TTN: variants seen among roughly 807,000 people sequenced by gnomAD.
TTN encodes titin, also known as connectin.
Under a neutral mutation model 3,223.0 loss-of-function variants are expected in TTN, and 1,525 were observed. The ratio of observed to expected loss-of-function variants is 0.47; its 90% confidence interval spans 0.45 to 0.49. The LOEUF (loss-of-function observed/expected upper bound fraction) is 0.49, where lower values mean the gene tolerates loss of function less well. Among genes scored for constraint, TTN ranks in the 20% least tolerant of loss-of-function variants. The probability of loss-of-function intolerance (pLI) is 0.00; values close to 1 mark genes in which losing one functional copy is unlikely to be tolerated. For missense variants in TTN, 40,786 were observed against 43,424.0 expected (o/e 0.94, Z 5.40); for synonymous variants, 14,094 against 15,161.0 (o/e 0.93, Z 5.17).
At chr2:178,690,422 G>C (rs182096349) in intron 121 of TTN, among the ~76,000 whole-genome samples, 67 of 152,262 alleles carry the variant, frequency 4.4e-4, no homozygotes, top group African/African-American at 1.6e-3. Context: ...ACACTCTAGA[G>C]TAGGTCTCTC....
intron 47 of TTN, chr2:178,744,793 T>C: frequency 3.0e-6 from 3 of 985,126 alleles, no homozygotes; most frequent in Non-Finnish European, 3.6e-6. Context: ...AATACTAAAT[T>C]ATTGCTGCAT....
Position 178,741,920 on chromosome 2 carries a change from C to T in TTN, c.11313G>A (p.Glu3771=). 6.6e-7 allele frequency: 1 copy of T among 1,514,622 alleles called. No homozygotes were observed. Among genetic ancestry groups the T allele is most frequent in the South Asian group, 1.3e-5 (1 of 76,738 alleles). The allele number at this position is 1,514,622 out of a possible 1,614,324, so 93.8% of individuals were successfully genotyped here. The part of the protein sequence containing the change: ...IEQEIEMEMK[E]FSSSFLSAEE... ...CGGCAGACAGAAAAGAACTAGAAAACTCTGTATGGGGAAAAATGATTATTA... is the reference window on the plus strand; with the variant it reads ...CGGCAGACAGAAAAGAACTAGAAAATTCTGTATGGGGAAAAATGATTATTA... Residue 3771 remains glutamate (E), a splice_region_variant and synonymous_variant, in exon 48 of 363, where the codon GAG becomes GAA. Coordinates refer to ENST00000589042, the MANE Select transcript of TTN (RefSeq NM_001267550.2).
Position 178,669,392 on chromosome 2 carries a change from A to T in TTN, c.35526T>A (p.Ser11842=). Residue 11842 remains serine (S), a synonymous_variant, in exon 159 of 363, where the codon TCT becomes TCA. Transcript: ENST00000589042. ...VQEEKSPIVI[S]EDTEMYIYEA... ...ACTCACTGTACATCTCTGTGTCTTC[A>T]GAAATAACAATAGGTGATTTTTCTT... 1 of 1,520,740 alleles carries T rather than the reference A, an allele frequency of 6.6e-7. No homozygotes were observed. Among genetic ancestry groups the T allele is most frequent in the East Asian group, 2.4e-5 (1 of 41,832 alleles). 94.2% of individuals were successfully genotyped at this position (1,520,740 alleles called of 1,614,324 possible). A position where few individuals can be genotyped will look rare whatever the true frequency, so the allele number is the denominator to read the frequency against.
rs56026369 is a variant in TTN at position 178,537,050 on chromosome 2, A to G, written c.100059T>C (p.Ile33353=). 6.2e-6 allele frequency: 10 copies of G among 1,613,144 alleles called. No homozygotes were observed. Among genetic ancestry groups the G allele is most frequent in the Non-Finnish European group, 7.6e-6 (9 of 1,179,588 alleles). ...AGCCAGCATTTTCTGTGAGGTTCAC[A>G]ATTCTACAGGTTGTCACTGAGATGG... ...SSAISVTTCR[I]VNLTENAGYY... is the part of the protein sequence containing the mutation. Residue 33353 remains isoleucine, a synonymous_variant, in exon 356 of 363, where the codon ATT becomes ATC. Coordinates refer to ENST00000589042, the MANE Select transcript of TTN (RefSeq NM_001267550.2).
At position 178,770,302 on chromosome 2, in the gene TTN, T is replaced by C; in HGVS notation, c.8399A>G (p.Lys2800Arg). The change falls in exon 36 of 363, where the codon AAG becomes AGG. Residue 2800 changes from lysine (K) to arginine (R), a missense_variant. Lys to Arg is a conservative substitution (Grantham distance 26, BLOSUM62 2). Transcript: ENST00000589042. ...TTCCAAGGCTGTCACATCCTTTGGC[T>C]TTTTAATGATCTTGACAGCTAAGAG... ...LHVETVKIIKKPKDVTALENA... is the reference protein window; with the variant it reads ...LHVETVKIIKRPKDVTALENA... 6.2e-7 allele frequency: 1 copy of C among 1,614,186 alleles called. No individual in the cohort carries two copies. Among genetic ancestry groups the C allele is most frequent in the Non-Finnish European group, 8.5e-7 (1 of 1,180,024 alleles).
intron 170 of TTN, 48 bp from the exon 171 acceptor site, chr2:178,663,758 G>A: frequency 6.2e-7 from 1 of 1,609,544 alleles, no homozygotes; most frequent in Non-Finnish European, 8.5e-7. Flanking sequence ...GAAGACCACT[G>A]GAAAAAATAT....
intron 101 of TTN, 55 bp downstream of exon 101, chr2:178,706,807 C>A (rs2075941510): frequency 6.3e-7 from 1 of 1,596,558 alleles, no homozygotes; most frequent in African/African-American, 1.4e-5. Context: ...AAAATTAAAT[C>A]ATAAGTAAAA....
intron 50 of TTN, among the ~76,000 whole-genome samples, 184 bp downstream of exon 50, chr2:178,735,327 G>C (rs908363974): frequency 6.6e-6 from 1 of 152,162 alleles, no homozygotes; most frequent in Non-Finnish European, 1.5e-5. Flanking sequence ...CAAAAGTTAA[G>C]TGAACTTTGA....
chr2:178,680,610 T>C (rs1342585697), intron 138 of TTN, among the ~76,000 whole-genome samples: 1 of 151,948 alleles, frequency 6.6e-6, no homozygotes, highest in African/African-American at 2.4e-5. Context: ...AGAAATATCC[T>C]TCCTGAAAAG....
rs558862374 is a variant in TTN at position 178,748,578 on chromosome 2, G to A, written c.11311+4546C>T. On this transcript the variant is annotated intron_variant, in intron 47 of 362. Coordinates refer to ENST00000589042, the MANE Select transcript of TTN (RefSeq NM_001267550.2). ...AATACAATGTTCTCAGTGTCAGCAG[G>A]ATGTTGGATTTTAAAATAAGCTTCT... 12 of 1,613,058 alleles carry A rather than the reference G, an allele frequency of 7.4e-6. No individual in the cohort carries two copies. In the African/African-American group the frequency reaches 1.2e-4, roughly 16 times the overall value.
intron 240 of TTN, among the ~76,000 whole-genome samples, chr2:178,626,660 A>G (rs979918085): frequency 2.6e-5 from 4 of 152,104 alleles, no homozygotes; most frequent in African/African-American, 9.6e-5. Flanking sequence ...CATAATAAGG[A>G]AAAATAACAG....
rs1046219672 is a variant in TTN, at chr2:178,552,821, C to A, written c.90079G>T (p.Ala30027Ser). ...CGTATAGGAGCTGGTACTTCAGCAGCCTTCACTGGCTCTGTAGTTTCACAG... is the reference window on the plus strand; with the variant it reads ...CGTATAGGAGCTGGTACTTCAGCAGACTTCACTGGCTCTGTAGTTTCACAG... ...EPCETTEPVK[A>S]AEVPAPIRDL... Residue 30027 changes from alanine to serine, a missense_variant, in exon 335 of 363, where the codon GCT (alanine) becomes TCT (serine). By Grantham distance (99) the Ala-to-Ser change is moderately conservative. Transcript: ENST00000589042. 2 of 1,613,724 alleles carry A rather than the reference C, an allele frequency of 1.2e-6. No homozygotes were observed. The highest frequency in any genetic ancestry group is 1.7e-6 in the Non-Finnish European group (2 of 1,179,800).
At position 178,578,011 on chromosome 2, in the gene TTN, G is replaced by A; in HGVS notation, c.68504C>T (p.Pro22835Leu). 1 of 1,613,050 alleles carries A rather than the reference G, an allele frequency of 6.2e-7. No homozygotes were observed. Among genetic ancestry groups the A allele is most frequent in the Non-Finnish European group, 8.5e-7 (1 of 1,179,420 alleles). Residue 22835 changes from proline to leucine, a missense_variant, in exon 322 of 363, where the codon CCT becomes CTT. Coordinates refer to ENST00000589042, the MANE Select transcript of TTN (RefSeq NM_001267550.2). Reference sequence around the variant, plus strand: ...ACCAATTGGGTCCAGTGCCACAACAGGCTCTGATGGTAGGCTTGGCTTGCC... The same window carrying A: ...ACCAATTGGGTCCAGTGCCACAACAAGCTCTGATGGTAGGCTTGGCTTGCC... ...GVGKPSLPSE[P>L]VVALDPIDPP...
At chr2:178,708,978 C>T (rs1490137493) in intron 99 of TTN, among the ~76,000 whole-genome samples, 1 of 152,090 alleles carries the variant, frequency 6.6e-6, no homozygotes, top group Non-Finnish European at 1.5e-5. Flanking sequence ...TTTTCTCAAG[C>T]GATGATTGTG....
chr2:178,588,377 G>A (rs770773181), intron 304 of TTN, among the ~76,000 whole-genome samples, 158 bp from the exon 305 acceptor site: 1 of 151,880 alleles, frequency 6.6e-6, no homozygotes, highest in African/African-American at 2.4e-5. Context: ...ACTATTGTTT[G>A]TACCTTTTAG....
intron 362 of TTN, 41 bp from the exon 363 acceptor site, chr2:178,527,348 G>T: frequency 1.3e-6 from 2 of 1,563,578 alleles, no homozygotes; most frequent in South Asian, 2.4e-5. Flanking sequence ...TAGAATCACT[G>T]AAAAAAATAA....
rs1558954095 is a variant in TTN, at chr2:178,527,162, CT to C, written c.107825del (p.Gln35942ArgfsTer12). The C allele has an allele frequency of 6.2e-7, 1 of 1,613,976 alleles. No homozygotes were observed. The highest frequency in any genetic ancestry group is 2.2e-5 in the East Asian group (1 of 44,870). ...CTGTGTTTTCAATGTGGAACCTCCC[CT>C]GTTCTTGACTGTGGATTTTTCTTCC... ...CGGRKIHSQE[Q>X]GRFHIENTDD... is the part of the protein sequence containing the mutation. On this transcript the variant is annotated frameshift_variant, in exon 363 of 363. Coordinates refer to ENST00000589042, the MANE Select transcript of TTN (RefSeq NM_001267550.2). LOFTEE classifies it high-confidence loss of function.
At chr2:178,579,490 G>T in intron 319 of TTN, 71 bp downstream of exon 319, 1 of 1,579,302 alleles carries the variant, frequency 6.3e-7, no homozygotes, top group Non-Finnish European at 8.5e-7. Flanking sequence ...AGATAAGCTA[G>T]TGAGTGGGAC....
chr2:178,527,222 A>G lies in TTN; in HGVS notation c.107766T>C (p.Gly35922=), dbSNP rs147293964. 1.3e-4 allele frequency: 208 copies of G among 1,613,926 alleles called. No homozygotes were observed. The African/African-American group carries it at 2.5e-3, about 19-fold the overall frequency. ...ACCATGTTACTTCTGGGGTAGGCTC[A>G]CCCGTGAAAGCACAGGCTACTGTTA... ...KVLTVACAFT[G]EPTPEVTWSC... Residue 35922 remains glycine (G), a synonymous_variant, in exon 363 of 363, where the codon GGT becomes GGC. Transcript: ENST00000589042.
Sources: allele counts gnomAD v4.1 joint callset (sites outside exome capture counted in the v4.1 genomes callset), GRCh38; gene constraint gnomAD v4.1.1; transcripts MANE v1.5; gene names NCBI Gene and HGNC (gene_info 2026-07-23, HGNC 2026-07-21).